The following LAMA2 variants were observed in gnomAD, a reference collection of about 807,000 sequenced individuals.
The protein encoded by LAMA2 is laminin subunit alpha 2.
Under a neutral mutation model 364.8 loss-of-function variants are expected in LAMA2, and 269 were observed. The observed-to-expected ratio is 0.74, with a 90% CI of 0.67 to 0.82. The LOEUF (loss-of-function observed/expected upper bound fraction) is 0.82, where lower values mean the gene tolerates loss of function less well. Among genes scored for constraint, LAMA2 ranks in the 40% least tolerant of loss-of-function variants. LAMA2 has a pLI of 0.00. For synonymous variants in LAMA2, 1,379 were observed against 1,370.6 expected (o/e 1.01, Z -0.14); for missense variants, 3,807 against 3,873.2 (o/e 0.98, Z 0.45).
chr6:129,406,703 A>G (rs1780265342), intron 40 of LAMA2, among the ~76,000 whole-genome samples: 1 of 152,160 alleles, frequency 6.6e-6, no homozygotes, highest in African/African-American at 2.4e-5. Flanking sequence ...TATCTATCAG[A>G]TCAGATTTTT....
At chr6:129,438,788 G>A in intron 42 of LAMA2, 26 bp downstream of exon 42, 1 of 1,145,672 alleles carries the variant, frequency 8.7e-7, no homozygotes, top group Non-Finnish European at 1.3e-6. Flanking sequence ...ACTACCAACT[G>A]TGTCAGTTGA....
chr6:129,475,397 G>T lies in LAMA2; in HGVS notation c.7447G>T (p.Ala2483Ser). 1.9e-6 allele frequency: 3 copies of T among 1,560,172 alleles called. No individual in the cohort carries two copies. Among genetic ancestry groups the T allele is most frequent in the Non-Finnish European group, 1.8e-6 (2 of 1,142,562 alleles). ...LPTLRNLSMK[A>S]RPEVNLKKYS... ...CTCTTTCCCGTTATCTAGTATGAAAGCAAGGTAAAATTTAAATTTATGCAT... is the reference window on the plus strand; with the variant it reads ...CTCTTTCCCGTTATCTAGTATGAAATCAAGGTAAAATTTAAATTTATGCAT... The change falls in exon 53 of 65, where the codon GCA becomes TCA. Residue 2483 changes from alanine (A) to serine (S), a missense_variant. By Grantham distance (99) the Ala-to-Ser change is moderately conservative. This residue lies in a region of LAMA2 where 3,333 missense variants were observed against 3,345.7 expected (regional missense o/e 1.00). Transcript: ENST00000421865.
chr6:129,332,625 T>C (rs993854202), intron 29 of LAMA2, among the ~76,000 whole-genome samples: 1 of 152,192 alleles, frequency 6.6e-6, no homozygotes, highest in Non-Finnish European at 1.5e-5. Flanking sequence ...ATATTTTATG[T>C]CTTACAGTAA....
chr6:129,414,779 C>T (rs1780700150), intron 40 of LAMA2, among the ~76,000 whole-genome samples: 3 of 152,134 alleles, frequency 2.0e-5, no homozygotes, highest in African/African-American at 7.2e-5. Flanking sequence ...CTGATAATTG[C>T]AAGCAACAAT....
intron 22 of LAMA2, among the ~76,000 whole-genome samples, chr6:129,302,626 C>T (rs1460152671): frequency 6.6e-6 from 1 of 151,916 alleles, no homozygotes; most frequent in Admixed American, 6.6e-5. Context: ...GTTTGGATTC[C>T]ATTTTGAATA....
chr6:129,078,523 T>C (rs1264529606), intron 3 of LAMA2, among the ~76,000 whole-genome samples: 3 of 152,178 alleles, frequency 2.0e-5, no homozygotes, highest in Non-Finnish European at 2.9e-5. Context: ...AAACTCTATG[T>C]ACCCTACTGA....
chr6:129,239,718 G>A (rs1476454214), intron 12 of LAMA2, among the ~76,000 whole-genome samples: 5 of 152,076 alleles, frequency 3.3e-5, no homozygotes, highest in African/African-American at 1.2e-4. Flanking sequence ...GTTCTGCTGT[G>A]TTGTCCAAGC....
chr6:128,963,872 G>C (rs1781686455), intron 1 of LAMA2, among the ~76,000 whole-genome samples: 1 of 152,028 alleles, frequency 6.6e-6, no homozygotes, highest in South Asian at 2.1e-4. Context: ...CTAAATTATA[G>C]TACATGAAGA....
At chr6:129,040,255 G>A (rs942106839) in intron 1 of LAMA2, among the ~76,000 whole-genome samples, 1 of 152,116 alleles carries the variant, frequency 6.6e-6, no homozygotes, top group African/African-American at 2.4e-5. Context: ...ATATTTTTGT[G>A]GATGATCTTC....
intron 41 of LAMA2, among the ~76,000 whole-genome samples, chr6:129,436,066 T>C (rs932038023): frequency 4.6e-5 from 7 of 152,202 alleles, no homozygotes; most frequent in African/African-American, 1.7e-4. Flanking sequence ...AACATGAAGA[T>C]AGCAAATAAC....
rs1161721744 is a variant in LAMA2 at position 129,427,052 on chromosome 6, A to T, written c.5866-700A>T. Among the ~76,000 whole-genome samples the T allele has an allele frequency of 2.0e-5, 3 of 152,354 alleles. No individual in the cohort carries two copies. The East Asian group carries it at 5.8e-4, about 29-fold the overall frequency. On this transcript the variant is annotated intron_variant, in intron 40 of 64. Coordinates refer to ENST00000421865, the MANE Select transcript of LAMA2 (RefSeq NM_000426.4). ...AGGAGCAAACACTATTAAAATGGGTAACTAGACATTCAAGTTAAACATTCC... is the reference window on the plus strand; with the variant it reads ...AGGAGCAAACACTATTAAAATGGGTTACTAGACATTCAAGTTAAACATTCC...
At chr6:129,331,029 C>T (rs575505312) in intron 29 of LAMA2, among the ~76,000 whole-genome samples, 37 of 152,156 alleles carry the variant, frequency 2.4e-4, no homozygotes, top group African/African-American at 7.0e-4. Context: ...CCACCATGCC[C>T]GGCTTCTTTT....
At chr6:129,096,267 C>T (rs1370968837) in intron 3 of LAMA2, among the ~76,000 whole-genome samples, 3 of 152,088 alleles carry the variant, frequency 2.0e-5, no homozygotes, top group Non-Finnish European at 4.4e-5. Flanking sequence ...CTATGTTGTT[C>T]CTACTTTTGC....
intron 1 of LAMA2, among the ~76,000 whole-genome samples, chr6:129,011,690 A>C (rs1385402750): frequency 6.6e-6 from 1 of 152,198 alleles, no homozygotes; most frequent in Non-Finnish European, 1.5e-5. Flanking sequence ...TTCTGAGAGC[A>C]CATGTTTCTC....
intron 1 of LAMA2, among the ~76,000 whole-genome samples, chr6:129,032,039 T>C (rs566460527): frequency 1.9e-4 from 29 of 152,244 alleles, no homozygotes; most frequent in African/African-American, 7.0e-4. Context: ...AGGCTGGTCT[T>C]GAACTCCTAC....
intron 1 of LAMA2, among the ~76,000 whole-genome samples, chr6:128,968,892 T>C (rs949055217): frequency 6.6e-6 from 1 of 152,138 alleles, no homozygotes; most frequent in Non-Finnish European, 1.5e-5. Flanking sequence ...GGGAATTGAT[T>C]AGATGATTTT....
At chr6:129,229,961 C>G in intron 12 of LAMA2, among the ~76,000 whole-genome samples, 2 of 152,206 alleles carry the variant, frequency 1.3e-5, no homozygotes, top group Middle Eastern at 6.8e-3. Flanking sequence ...AGCTAGTATA[C>G]AAGTCTGAAG....
At chr6:129,204,015 G>T (rs543717538) in intron 12 of LAMA2, among the ~76,000 whole-genome samples, 32 of 152,288 alleles carry the variant, frequency 2.1e-4, no homozygotes, top group Non-Finnish European at 3.5e-4. Context: ...ATCAGTAAAA[G>T]ACGTTTGTTA....
chr6:129,099,318 T>G (rs1775381934), intron 4 of LAMA2, among the ~76,000 whole-genome samples: 1 of 151,954 alleles, frequency 6.6e-6, no homozygotes, highest in South Asian at 2.1e-4. Context: ...AAGTACTCTG[T>G]GCTATTTTTA....
Sources: allele counts gnomAD v4.1 joint callset (sites outside exome capture counted in the v4.1 genomes callset), GRCh38; gene constraint gnomAD v4.1.1; regional missense constraint gnomAD v4.1.1; transcripts MANE v1.5; gene names NCBI Gene and HGNC (gene_info 2026-07-23, HGNC 2026-07-21).